Variants in CCDC141 observed in about 807,000 individuals in gnomAD.
The protein encoded by CCDC141 is coiled-coil domain containing 141, also known as coiled-coil domain-containing protein 141.
In CCDC141, 168 loss-of-function variants were observed where a neutral mutation model predicts 181.0. The ratio of observed to expected loss-of-function variants is 0.93; its 90% CI spans 0.82 to 1.05. The LOEUF (loss-of-function observed/expected upper bound fraction) is 1.05. Among genes scored for constraint, CCDC141 ranks in the 50% least tolerant of loss-of-function variants. The pLI, the probability that CCDC141 is intolerant of heterozygous loss-of-function variation, is 0.00. For synonymous variants in CCDC141, 666 were observed against 642.3 expected (o/e 1.04, Z -0.56); for missense variants, 1,902 against 1,788.5 (o/e 1.06, Z -1.14).
At position 178,923,043 on chromosome 2, in the gene CCDC141, G is replaced by T. The variant is rs186077629; in HGVS notation, c.898-4136C>A. Among the ~76,000 whole-genome samples the T allele has an allele frequency of 1.6e-3, 235 of 151,276 alleles. 2 individuals are homozygous for T. Among genetic ancestry groups the T allele is most frequent in the African/African-American group, 5.1e-3 (212 of 41,194 alleles). On this transcript the variant is annotated intron_variant, in intron 6 of 23. Coordinates refer to ENST00000443758, the MANE Select transcript of CCDC141 (RefSeq NM_173648.4). ...TCTGATGCATTTCTCTACCATTCTG[G>T]TAATGTATTTATTTCCCCAGCCATT...
chr2:178,992,729 C>T (rs142138855), intron 2 of CCDC141, among the ~76,000 whole-genome samples: 6 of 152,196 alleles, frequency 3.9e-5, no homozygotes, highest in Middle Eastern at 6.8e-3. Context: ...GTGCCCTCAC[C>T]CAAATCTCAT....
intron 2 of CCDC141, among the ~76,000 whole-genome samples, chr2:179,039,586 G>T (rs1284324703): frequency 6.6e-6 from 1 of 150,572 alleles, no homozygotes; most frequent in African/African-American, 2.4e-5. Flanking sequence ...GCCCAAATCA[G>T]AGTTGACTCA....
intron 6 of CCDC141, among the ~76,000 whole-genome samples, chr2:178,941,409 T>A (rs547045992): frequency 1.3e-5 from 2 of 152,340 alleles, no homozygotes; most frequent in East Asian, 3.9e-4. Context: ...ATCTAGTGTC[T>A]GAAATTCATG....
chr2:178,889,022 A>G (rs1488052569), intron 8 of CCDC141, among the ~76,000 whole-genome samples: 1 of 152,192 alleles, frequency 6.6e-6, no homozygotes, highest in African/African-American at 2.4e-5. Context: ...AACTTCATTT[A>G]TCTAAAGATG....
chr2:178,953,523 G>A (rs1667744084), intron 5 of CCDC141, among the ~76,000 whole-genome samples: 1 of 152,034 alleles, frequency 6.6e-6, no homozygotes, highest in African/African-American at 2.4e-5. Flanking sequence ...ACTACCCCTT[G>A]GAATATGAAA....
rs1559049657 is a variant in CCDC141 at position 179,015,413 on chromosome 2, C to CATATATCTCATATATGTAT, written c.225+31870_225+31871insATACATATATGAGATATAT. ...ATGTATCATATATCTCATATATGTA[C>CATATATCTCATATATGTAT]CATATATCTCATATATGTACCATAT... On this transcript the variant is annotated intron_variant, in intron 2 of 23. Transcript: ENST00000443758. Among the ~76,000 whole-genome samples the CATATATCTCATATATGTAT allele has an allele frequency of 2.0e-4, 22 of 110,002 alleles. 1 individual carries two copies. Among genetic ancestry groups the CATATATCTCATATATGTAT allele is most frequent in the South Asian group, 5.6e-4 (2 of 3,586 alleles). The allele number at this position is 110,002 out of a possible 152,430, so 72.2% of individuals were successfully genotyped here.
Position 178,928,513 on chromosome 2 carries a change from A to G in CCDC141, c.898-9606T>C, listed in dbSNP as rs560454058. ...CAATATAATAGTATTAACTGTAAAA[A>G]GCCATGCTTTCCGGGACATTTTATT... On this transcript the variant is annotated intron_variant, in intron 6 of 23. Transcript: ENST00000443758. 2.0e-5 allele frequency among the ~76,000 whole-genome samples: 3 copies of G among 152,332 alleles called. No individual in the cohort carries two copies. The East Asian group carries it at 5.8e-4, about 29-fold the overall frequency.
chr2:178,880,690 T>A (rs553329816), intron 11 of CCDC141, among the ~76,000 whole-genome samples: 5 of 152,298 alleles, frequency 3.3e-5, no homozygotes, highest in Non-Finnish European at 7.4e-5. Flanking sequence ...GTTTCCCACA[T>A]TTACAAAATG....
In CCDC141 at chr2:178,867,882, G is replaced by C. The variant is rs565725594; in HGVS notation, c.2574+144C>G. Reference sequence around the variant, plus strand: ...AAATTTTTTCTTTTGTCAGAGGGTAGAAATGAATCACAAATAACTACCCCA... The same window carrying C: ...AAATTTTTTCTTTTGTCAGAGGGTACAAATGAATCACAAATAACTACCCCA... On this transcript the variant is annotated intron_variant, in intron 16 of 23. Coordinates refer to ENST00000443758, the MANE Select transcript of CCDC141 (RefSeq NM_173648.4). 1,345 of 638,648 alleles carry C rather than the reference G, an allele frequency of 2.1e-3. 18 individuals are homozygous for C. Among genetic ancestry groups the C allele is most frequent in the South Asian group, 0.018 (426 of 23,870 alleles). 39.6% of individuals were successfully genotyped at this position (638,648 alleles called of 1,614,324 possible).
intron 5 of CCDC141, among the ~76,000 whole-genome samples, chr2:178,953,004 T>C (rs756794260): frequency 2.6e-5 from 4 of 152,184 alleles, no homozygotes; most frequent in Non-Finnish European, 5.9e-5. Context: ...AAGACCAGAT[T>C]TGCAAACATG....
chr2:179,014,904 A>T (rs927665291), intron 2 of CCDC141, among the ~76,000 whole-genome samples: 16 of 151,650 alleles, frequency 1.1e-4, no homozygotes, highest in African/African-American at 3.9e-4. Flanking sequence ...CATTTGATCC[A>T]GCAATTCCAC....
At chr2:179,013,817 G>C (rs1005014424) in intron 2 of CCDC141, among the ~76,000 whole-genome samples, 1 of 151,748 alleles carries the variant, frequency 6.6e-6, no homozygotes, top group Admixed American at 6.6e-5. Flanking sequence ...AATTAGCCAG[G>C]TGTGGTGGCG....
At chr2:179,015,065 G>GAGAT (rs200290016) in intron 2 of CCDC141, among the ~76,000 whole-genome samples, 2 of 10,976 alleles carry the variant, frequency 1.8e-4, no homozygotes, top group South Asian at 4.4e-3. Context: ...GAGAGAGACA[G>GAGAT]AGATATATAT....
chr2:178,834,154 A>G lies in CCDC141; in HGVS notation c.*19T>C, dbSNP rs1684374168. The G allele has an allele frequency of 2.0e-6, 3 of 1,530,594 alleles. No homozygotes were observed. Among genetic ancestry groups the G allele is most frequent in the Non-Finnish European group, 2.6e-6 (3 of 1,142,122 alleles). The allele number at this position is 1,530,594 out of a possible 1,614,324, so 94.8% of individuals were successfully genotyped here. Reference sequence around the variant, plus strand: ...CTTTAGGCACATGAGAATGATGTCCATTGGTGCCAACACCACAGTTATTGT... The same window carrying G: ...CTTTAGGCACATGAGAATGATGTCCGTTGGTGCCAACACCACAGTTATTGT... On this transcript the variant is annotated 3_prime_UTR_variant, in exon 24 of 24. Coordinates refer to ENST00000443758, the MANE Select transcript of CCDC141 (RefSeq NM_173648.4).
chr2:178,834,074 C>G lies in CCDC141; in HGVS notation c.*99G>C, dbSNP rs1006721035. 1 of 1,210,366 alleles carries G rather than the reference C, an allele frequency of 8.3e-7. No individual in the cohort carries two copies. The highest frequency in any genetic ancestry group is 1.5e-5 in the African/African-American group (1 of 66,256). The allele number at this position is 1,210,366 out of a possible 1,614,324, so 75.0% of individuals were successfully genotyped here. The stretch of plus-strand genomic sequence containing the variant: ...AAGTATGGTGATCAGACTGGAGATA[C>G]ACTTGGTGGGAGATGCTTTGCAGGA... On this transcript the variant is annotated 3_prime_UTR_variant, in exon 24 of 24. Coordinates refer to ENST00000443758, the MANE Select transcript of CCDC141 (RefSeq NM_173648.4).
At chr2:178,871,311 C>T in intron 14 of CCDC141, 116 bp downstream of exon 14, 1 of 1,229,500 alleles carries the variant, frequency 8.1e-7, no homozygotes. Context: ...ACAAGCAATA[C>T]TTTTGTTTAA....
intron 2 of CCDC141, among the ~76,000 whole-genome samples, chr2:178,981,701 GAAAAAA>G (rs140971165): frequency 8.9e-6 from 1 of 112,592 alleles, no homozygotes; most frequent in Non-Finnish European, 1.8e-5. Context: ...GAGAGAGAGA[GAAAAAA>G]AAACCTAAAT....
At chr2:178,959,952 C>T (rs190789102) in intron 5 of CCDC141, among the ~76,000 whole-genome samples, 1 of 152,176 alleles carries the variant, frequency 6.6e-6, no homozygotes, top group Non-Finnish European at 1.5e-5. Flanking sequence ...AAGTCCTTCT[C>T]ATCACATTAG....
At chr2:178,887,819 A>G (rs1490395408) in intron 9 of CCDC141, among the ~76,000 whole-genome samples, 2 of 152,300 alleles carry the variant, frequency 1.3e-5, no homozygotes, top group Non-Finnish European at 2.9e-5. Context: ...CATCATTGAA[A>G]ATTTGAGACC....
Sources: allele counts gnomAD v4.1 joint callset (sites outside exome capture counted in the v4.1 genomes callset), GRCh38; gene constraint gnomAD v4.1.1; transcripts MANE v1.5; gene names NCBI Gene and HGNC (gene_info 2026-07-23, HGNC 2026-07-21).